Variants in TLL1 observed in about 807,000 individuals in gnomAD.
TLL1 encodes tolloid like 1.
In TLL1, 49 loss-of-function variants were observed where a neutral mutation model predicts 128.2. That is an observed-to-expected ratio of 0.38 (90% CI 0.30 to 0.48). The LOEUF is 0.48. Ranked by LOEUF, TLL1 falls within the 20% of genes least tolerant of loss-of-function variation. The probability of loss-of-function intolerance (pLI) is 0.96; values close to 1 mark genes in which losing one functional copy is unlikely to be tolerated. For missense variants in TLL1, 1,123 were observed against 1,242.0 expected (o/e 0.90, Z 1.44); for synonymous variants, 454 against 418.8 (o/e 1.08, Z -1.03).
intron 16 of TLL1, among the ~76,000 whole-genome samples, chr4:166,070,626 A>G (rs1740770544): frequency 6.6e-6 from 1 of 151,772 alleles, no homozygotes; most frequent in Admixed American, 6.6e-5. Context: ...ACGGACTAAA[A>G]CTCGTTTTCC....
intron 7 of TLL1, among the ~76,000 whole-genome samples, chr4:166,009,002 A>C (rs1356874632): frequency 6.6e-6 from 1 of 151,428 alleles, no homozygotes; most frequent in East Asian, 1.9e-4. Context: ...TCCAAACCAA[A>C]GTTTATTATT....
intron 1 of TLL1, among the ~76,000 whole-genome samples, chr4:165,878,927 T>A (rs1730850132): frequency 9.7e-6 from 1 of 103,160 alleles, no homozygotes; most frequent in South Asian, 3.2e-4. Context: ...TTCCTTTTTT[T>A]TTTTTTTTTT....
At position 166,013,239 on chromosome 4, in the gene TLL1, G is replaced by A. The variant is rs541693760; in HGVS notation, c.918-1197G>A. ...CCATCTTCTCACCTTTATTTTTCTC[G>A]ATAGTACCTATTACTACCTGGATTA... On this transcript the variant is annotated intron_variant, in intron 7 of 20. Coordinates refer to ENST00000061240, the MANE Select transcript of TLL1 (RefSeq NM_012464.5). Among the ~76,000 whole-genome samples, 12 of 151,686 alleles carry A rather than the reference G, an allele frequency of 7.9e-5. No individual in the cohort carries two copies. In the South Asian group the frequency reaches 1.9e-3, roughly 24 times the overall value.
chr4:165,891,915 C>T (rs961367072), intron 1 of TLL1, among the ~76,000 whole-genome samples: 14 of 152,138 alleles, frequency 9.2e-5, no homozygotes, highest in African/African-American at 3.1e-4. Context: ...TACCAATTTA[C>T]TGTATTAGTC....
rs183353641 is a variant in TLL1 at position 165,903,908 on chromosome 4, T to C, written c.169+29835T>C. ...CATCAAGGGGTATACATAAAATATA[T>C]AGGGTTTTTTTGGTATAAAAGTAAA... is the stretch of plus-strand genomic sequence containing the variant. On this transcript the variant is annotated intron_variant, in intron 1 of 20. Transcript: ENST00000061240. Among the ~76,000 whole-genome samples the C allele has an allele frequency of 8.5e-5, 13 of 152,096 alleles. No individual in the cohort carries two copies. The East Asian group carries it at 2.5e-3, about 29-fold the overall frequency.
rs1242593160 is a variant in TLL1 at position 165,994,367 on chromosome 4, A to C, written c.362-14A>C. ...GAACTTCTGTTTCACAGAATGTTTT[A>C]AATGTCACTGCAGGCTTGGAGCAAA... On this transcript the variant is annotated splice_polypyrimidine_tract_variant and intron_variant, in intron 3 of 20. Transcript: ENST00000061240. The C allele has an allele frequency of 3.7e-6, 6 of 1,613,840 alleles. No homozygotes were observed. The African/African-American group carries it at 8.0e-5, about 22-fold the overall frequency.
chr4:166,091,233 G>A lies in TLL1; in HGVS notation c.2548G>A (p.Gly850Ser), dbSNP rs1741763668. 1 of 1,613,238 alleles carries A rather than the reference G, an allele frequency of 6.2e-7. No individual in the cohort carries two copies. Among genetic ancestry groups the A allele is most frequent in the East Asian group, 2.2e-5 (1 of 44,730 alleles). ...EKSPILGRLC[G>S]NKIPDPLVAT... is the part of the protein sequence containing the mutation. Reference sequence around the variant, plus strand: ...GTCACCGATTCTTGGACGACTGTGTGGCAACAAGATACCAGATCCCCTTGT... The same window carrying A: ...GTCACCGATTCTTGGACGACTGTGTAGCAACAAGATACCAGATCCCCTTGT... The change falls in exon 19 of 21, where the codon GGC becomes AGC. Residue 850 changes from glycine to serine, a missense_variant. Physicochemically the swap from Gly to Ser is moderately conservative, Grantham distance 56. This residue lies in a region of TLL1 where 634 missense variants were observed against 672.4 expected (regional missense o/e 0.94). Coordinates refer to ENST00000061240, the MANE Select transcript of TLL1 (RefSeq NM_012464.5).
intron 9 of TLL1, among the ~76,000 whole-genome samples, chr4:166,038,144 A>G (rs940258247): frequency 2.0e-5 from 3 of 152,172 alleles, no homozygotes; most frequent in Non-Finnish European, 4.4e-5. Flanking sequence ...CCAGCACAGA[A>G]TTGGTAATAC....
chr4:166,082,394 T>C (rs1027944493), intron 18 of TLL1, among the ~76,000 whole-genome samples: 3 of 152,166 alleles, frequency 2.0e-5, no homozygotes, highest in Non-Finnish European at 4.4e-5. Flanking sequence ...ACTCTTGCCA[T>C]TTTGACATTA....
chr4:166,080,819 A>G (rs1015861896), intron 18 of TLL1, among the ~76,000 whole-genome samples: 7 of 152,110 alleles, frequency 4.6e-5, no homozygotes, highest in African/African-American at 1.7e-4. Context: ...CTGGGATTTA[A>G]GAGGTGTTTT....
At chr4:165,963,490 C>G (rs910466477) in intron 1 of TLL1, among the ~76,000 whole-genome samples, 5 of 152,028 alleles carry the variant, frequency 3.3e-5, no homozygotes, top group African/African-American at 1.2e-4. Context: ...ATTTTTTTCT[C>G]TCTTTATCAG....
At position 165,910,296 on chromosome 4, in the gene TLL1, G is replaced by A. The variant is rs563930941; in HGVS notation, c.169+36223G>A. ...TTGGGAGCAGATGAGCTTAGAGGGGGCAACAAATGGAGGGTTTTTTACTTT... is the reference window on the plus strand; with the variant it reads ...TTGGGAGCAGATGAGCTTAGAGGGGACAACAAATGGAGGGTTTTTTACTTT... On this transcript the variant is annotated intron_variant, in intron 1 of 20. Transcript: ENST00000061240. 5.9e-5 allele frequency among the ~76,000 whole-genome samples: 9 copies of A among 152,250 alleles called. No individual in the cohort carries two copies. The South Asian group carries it at 1.9e-3, about 32-fold the overall frequency.
intron 1 of TLL1, among the ~76,000 whole-genome samples, chr4:165,961,645 G>A (rs973460030): frequency 6.6e-6 from 1 of 152,244 alleles, no homozygotes; most frequent in African/African-American, 2.4e-5. Context: ...GAATAGAGCA[G>A]AGAACCCAGA....
At chr4:165,990,606 G>A (rs893993457) in intron 2 of TLL1, among the ~76,000 whole-genome samples, 1 of 151,988 alleles carries the variant, frequency 6.6e-6, no homozygotes, top group Non-Finnish European at 1.5e-5. Flanking sequence ...TGTTGTGTGT[G>A]TGTGCATACA....
Position 166,014,573 on chromosome 4 carries a change from A to T in TLL1, c.1042+13A>T, listed in dbSNP as rs371226600. On this transcript the variant is annotated intron_variant, in intron 8 of 20. Coordinates refer to ENST00000061240, the MANE Select transcript of TLL1 (RefSeq NM_012464.5). ...TATAGATGTCCAGGTATTGCACTAC[A>T]CAAACACAAGAGCATGACTGTACTT... The T allele has an allele frequency of 1.9e-6, 3 of 1,610,972 alleles. No homozygotes were observed. In the African/African-American group the frequency reaches 4.0e-5, roughly 22 times the overall value.
intron 1 of TLL1, among the ~76,000 whole-genome samples, chr4:165,883,847 G>A (rs911438919): frequency 8.5e-5 from 13 of 152,110 alleles, no homozygotes; most frequent in East Asian, 3.8e-4. Flanking sequence ...AACATTTTCC[G>A]TATGTTGTTC....
At chr4:165,979,456 A>G (rs185289822) in intron 1 of TLL1, among the ~76,000 whole-genome samples, 4 of 152,174 alleles carry the variant, frequency 2.6e-5, no homozygotes. Context: ...TTATTAAGCA[A>G]AAAGAAGTAC....
intron 1 of TLL1, among the ~76,000 whole-genome samples, chr4:165,877,733 A>G (rs1443397395): frequency 1.4e-5 from 2 of 147,862 alleles, no homozygotes; most frequent in Non-Finnish European, 3.0e-5. Flanking sequence ...CCTCCCTTCC[A>G]TTCCTTGCTT....
chr4:165,951,812 T>C (rs181958117), intron 1 of TLL1, among the ~76,000 whole-genome samples: 4 of 152,248 alleles, frequency 2.6e-5, no homozygotes, highest in African/African-American at 9.6e-5. Context: ...CTTGCTATAT[T>C]CCAGAACTCT....
Sources: allele counts gnomAD v4.1 joint callset (sites outside exome capture counted in the v4.1 genomes callset), GRCh38; gene constraint gnomAD v4.1.1; regional missense constraint gnomAD v4.1.1; transcripts MANE v1.5; gene names NCBI Gene and HGNC (gene_info 2026-07-23, HGNC 2026-07-21).